COL21A1: variants seen among roughly 807,000 people sequenced by gnomAD.
COL21A1 encodes collagen type XXI alpha 1 chain.
COL21A1 carries 149 observed loss-of-function variants against 137.9 expected under a neutral mutation model. The observed-to-expected ratio is 1.08, with a 90% CI of 0.95 to 1.24. The LOEUF (loss-of-function observed/expected upper bound fraction) is 1.24. Ranked by LOEUF, COL21A1 falls within the 50% of genes most tolerant of loss-of-function variation. COL21A1 has a pLI of 0.00. For synonymous variants in COL21A1, 456 were observed against 391.5 expected (o/e 1.16, Z -1.95); for missense variants, 1,167 against 1,158.4 (o/e 1.01, Z -0.11).
chr6:56,204,297 T>G (rs777505030), intron 1 of COL21A1, among the ~76,000 whole-genome samples: 4 of 152,034 alleles, frequency 2.6e-5, no homozygotes, highest in African/African-American at 4.8e-5. Context: ...GGGAGGGGCA[T>G]GCAACATTGC....
At chr6:56,321,388 C>A (rs945448064) in intron 1 of COL21A1, among the ~76,000 whole-genome samples, 1 of 152,146 alleles carries the variant, frequency 6.6e-6, no homozygotes, top group Non-Finnish European at 1.5e-5. Context: ...GAGCAAAAGT[C>A]ATTGAGATTT....
intron 1 of COL21A1, among the ~76,000 whole-genome samples, chr6:56,315,271 A>G (rs886122669): frequency 1.3e-5 from 2 of 152,162 alleles, no homozygotes; most frequent in African/African-American, 2.4e-5. Flanking sequence ...TCGGGCCTAC[A>G]TGCCTGCCTT....
At chr6:56,129,697 TGTGAGAGA>T (rs1467227875) in intron 12 of COL21A1, among the ~76,000 whole-genome samples, 5 of 64,882 alleles carry the variant, frequency 7.7e-5, no homozygotes, top group African/African-American at 2.5e-4. Flanking sequence ...TGTGTGTGTG[TGTGAGAGA>T]GAGAGAGAGA....
At chr6:56,389,206 A>G (rs2094024352) in intron 1 of COL21A1, among the ~76,000 whole-genome samples, 1 of 152,050 alleles carries the variant, frequency 6.6e-6, no homozygotes, top group South Asian at 2.1e-4. Context: ...TACTAAATAT[A>G]CAAAAATTAG....
intron 21 of COL21A1, 53 bp downstream of exon 21, chr6:56,070,692 G>T: frequency 1.7e-6 from 2 of 1,186,066 alleles, no homozygotes; most frequent in South Asian, 1.5e-5. Context: ...AAATAATGAG[G>T]GGAATTTACA....
intron 1 of COL21A1, among the ~76,000 whole-genome samples, chr6:56,347,794 C>T (rs1765628751): frequency 6.6e-6 from 1 of 152,092 alleles, no homozygotes; most frequent in African/African-American, 2.4e-5. Context: ...AGAATGTCAG[C>T]TCTGAGAACC....
chr6:56,084,791 G>A (rs889014480), intron 17 of COL21A1, among the ~76,000 whole-genome samples: 2 of 151,948 alleles, frequency 1.3e-5, no homozygotes, highest in East Asian at 1.9e-4. Context: ...TAAAGGTTGC[G>A]GCTATCATTT....
chr6:56,385,526 C>A (rs1254056444), intron 1 of COL21A1, among the ~76,000 whole-genome samples: 1 of 151,836 alleles, frequency 6.6e-6, no homozygotes, highest in Non-Finnish European at 1.5e-5. Context: ...TTTTTTTAGT[C>A]TTCCTCCTCC....
At chr6:56,281,681 C>A (rs1763789155) in intron 1 of COL21A1, among the ~76,000 whole-genome samples, 1 of 152,174 alleles carries the variant, frequency 6.6e-6, no homozygotes, top group Non-Finnish European at 1.5e-5. Flanking sequence ...TCTGAAGCAT[C>A]ACTTCCATGG....
At chr6:56,118,158 G>A (rs2152201524) in intron 16 of COL21A1, among the ~76,000 whole-genome samples, 1 of 147,428 alleles carries the variant, frequency 6.8e-6, no homozygotes, top group Non-Finnish European at 1.5e-5. Flanking sequence ...TTTTTGAAAA[G>A]ACAAACAAAA....
In COL21A1 at chr6:56,294,102, A is replaced by G. The variant is rs1003091909; in HGVS notation, c.-39+99869T>C. Among the ~76,000 whole-genome samples the G allele has an allele frequency of 2.0e-5, 3 of 152,154 alleles. No individual in the cohort carries two copies. The East Asian group carries it at 5.8e-4, about 29-fold the overall frequency. On this transcript the variant is annotated intron_variant, in intron 1 of 28. Coordinates refer to the COL21A1 transcript ENST00000370819. ...ACTCAAATTGTTATGTTACTCTACC[A>G]GTCATAATCACACTAAACTCCTATC...
intron 1 of COL21A1, among the ~76,000 whole-genome samples, chr6:56,229,936 T>C (rs1781447979): frequency 6.6e-6 from 1 of 151,884 alleles, no homozygotes. Flanking sequence ...TTTTTTAAAA[T>C]GCAAATCACG....
chr6:56,133,254 G>T (rs927774801), intron 12 of COL21A1, among the ~76,000 whole-genome samples: 4 of 152,172 alleles, frequency 2.6e-5, no homozygotes, highest in Non-Finnish European at 5.9e-5. Flanking sequence ...ATCTCAGATG[G>T]AGATGAGAAA....
chr6:56,190,566 G>T (rs1022183025), intron 1 of COL21A1, among the ~76,000 whole-genome samples: 2 of 152,154 alleles, frequency 1.3e-5, no homozygotes, highest in African/African-American at 4.8e-5. Context: ...TAGAAAAAGA[G>T]GGAATCCTCC....
At position 56,168,656 on chromosome 6, in the gene COL21A1, C is replaced by G. The variant is rs192754902; in HGVS notation, c.1027-359G>C. Among the ~76,000 whole-genome samples the G allele has an allele frequency of 1.1e-4, 16 of 152,106 alleles. No homozygotes were observed. In the East Asian group the frequency reaches 3.1e-3, roughly 29 times the overall value. Reference sequence around the variant, plus strand: ...TGGGCCCCATAACTAATCAATCTTCCTTGATAATCTCACTCAACTTCTGGA... The same window carrying G: ...TGGGCCCCATAACTAATCAATCTTCGTTGATAATCTCACTCAACTTCTGGA... On this transcript the variant is annotated intron_variant, in intron 5 of 29. Coordinates refer to ENST00000244728, the MANE Select transcript of COL21A1 (RefSeq NM_030820.4).
chr6:56,222,720 T>A (rs1390527048), intron 1 of COL21A1, among the ~76,000 whole-genome samples: 2 of 152,072 alleles, frequency 1.3e-5, no homozygotes, highest in Admixed American at 1.3e-4. Flanking sequence ...CCTAGAGGAT[T>A]TTCATGAGGT....
At chr6:56,354,203 A>C (rs527317780) in intron 1 of COL21A1, among the ~76,000 whole-genome samples, 1 of 152,346 alleles carries the variant, frequency 6.6e-6, no homozygotes, top group Non-Finnish European at 1.5e-5. Flanking sequence ...GCTAAAAGTC[A>C]GGTGGTGGTT....
In COL21A1 at chr6:56,164,430, C is replaced by A. The variant is rs761712614; in HGVS notation, c.1364G>T (p.Gly455Val). The A allele has an allele frequency of 1.9e-6, 3 of 1,580,216 alleles. No individual in the cohort carries two copies. The highest frequency in any genetic ancestry group is 2.7e-5 in the African/African-American group (2 of 74,236). Residue 455 changes from glycine to valine, a missense_variant, in exon 9 of 30, where the codon GGC (glycine) becomes GTC (valine). Coordinates refer to ENST00000244728, the MANE Select transcript of COL21A1 (RefSeq NM_030820.4). ...ICPPGKPGLQGPKGDPGLPGN... is the reference protein window; with the variant it reads ...ICPPGKPGLQVPKGDPGLPGN... ...AAGTTAGGTGTTACCCACTTTGGGG[C>A]CTTGAAGTCCTGGTTTTCCCGGAGG...
chr6:56,203,685 G>T (rs554192169), intron 1 of COL21A1, among the ~76,000 whole-genome samples: 1 of 152,348 alleles, frequency 6.6e-6, no homozygotes, highest in South Asian at 2.1e-4. Flanking sequence ...CAAGATGGCC[G>T]AATAGGAACA....
Sources: allele counts gnomAD v4.1 joint callset (sites outside exome capture counted in the v4.1 genomes callset), GRCh38; gene constraint gnomAD v4.1.1; transcripts MANE v1.5; gene names NCBI Gene and HGNC (gene_info 2026-07-23, HGNC 2026-07-21).